Variants in ASIC2 observed in about 807,000 individuals in gnomAD.
ASIC2 encodes the protein acid sensing ion channel subunit 2.
Under a neutral mutation model 57.3 loss-of-function variants are expected in ASIC2, and 25 were observed. The observed-to-expected ratio is 0.44, with a 90% confidence interval of 0.32 to 0.61. The LOEUF is 0.61. Ranked by LOEUF, ASIC2 falls within the 20% of genes least tolerant of loss-of-function variation. The pLI is 0.06. For missense variants in ASIC2, 641 were observed against 738.1 expected (o/e 0.87, Z 1.52); for synonymous variants, 319 against 307.5 (o/e 1.04, Z -0.39).
At chr17:33,885,001 T>C (rs1166722933) in intron 1 of ASIC2, among the ~76,000 whole-genome samples, 1 of 152,130 alleles carries the variant, frequency 6.6e-6, no homozygotes, top group South Asian at 2.1e-4. Flanking sequence ...AGTGTTGCAG[T>C]CCCCAAATGA....
chr17:33,777,758 G>T (rs899626315), intron 1 of ASIC2, among the ~76,000 whole-genome samples: 3 of 152,220 alleles, frequency 2.0e-5, no homozygotes, highest in African/African-American at 7.2e-5. Flanking sequence ...AATGTCCTTT[G>T]TGATGTTATT....
chr17:33,513,233 C>T (rs1226709310), intron 1 of ASIC2, among the ~76,000 whole-genome samples: 1 of 152,162 alleles, frequency 6.6e-6, no homozygotes, highest in East Asian at 1.9e-4. Flanking sequence ...CATTAAATCA[C>T]TCTCCTGTGT....
intron 1 of ASIC2, among the ~76,000 whole-genome samples, chr17:33,350,939 A>G (rs1908146715): frequency 6.6e-6 from 1 of 152,130 alleles, no homozygotes; most frequent in South Asian, 2.1e-4. Flanking sequence ...TTTCTGTTCT[A>G]ACATTTTGGG....
At chr17:33,455,920 C>T (rs938873227) in intron 1 of ASIC2, among the ~76,000 whole-genome samples, 10 of 152,136 alleles carry the variant, frequency 6.6e-5, no homozygotes, top group African/African-American at 1.9e-4. Context: ...CTTTACAGGC[C>T]GTGTTGTCCA....
chr17:33,632,533 G>A (rs566365728), intron 1 of ASIC2, among the ~76,000 whole-genome samples: 1 of 152,100 alleles, frequency 6.6e-6, no homozygotes, highest in South Asian at 2.1e-4. Context: ...CATGAGCCCC[G>A]AGAACCTGGA....
intron 1 of ASIC2, among the ~76,000 whole-genome samples, chr17:33,379,976 A>G (rs1299004674): frequency 6.6e-6 from 1 of 152,184 alleles, no homozygotes; most frequent in East Asian, 1.9e-4. Context: ...CTGGGCACGG[A>G]GGCTCATGCC....
At chr17:33,113,739 C>G (rs372330108) in intron 1 of ASIC2, among the ~76,000 whole-genome samples, 2 of 152,226 alleles carry the variant, frequency 1.3e-5, no homozygotes, top group Non-Finnish European at 1.5e-5. Flanking sequence ...CAACTGTGAC[C>G]GTTGGCAGTT....
chr17:33,278,076 T>C (rs1387643804), intron 1 of ASIC2, among the ~76,000 whole-genome samples: 1 of 152,166 alleles, frequency 6.6e-6, no homozygotes, highest in Non-Finnish European at 1.5e-5. Context: ...TTCGGATCCC[T>C]GCATAGTTTC....
intron 1 of ASIC2, among the ~76,000 whole-genome samples, chr17:34,061,088 C>T (rs1238850778): frequency 2.0e-5 from 3 of 152,174 alleles, no homozygotes; most frequent in African/African-American, 4.8e-5. Context: ...ATCTTAAGAA[C>T]TGTGAGACAT....
At chr17:33,846,023 C>T (rs970841624) in intron 1 of ASIC2, among the ~76,000 whole-genome samples, 1 of 152,152 alleles carries the variant, frequency 6.6e-6, no homozygotes, top group African/African-American at 2.4e-5. Flanking sequence ...ACCACATAGT[C>T]GTTTTCTGAA....
At chr17:33,824,448 T>C (rs1912845560) in intron 1 of ASIC2, among the ~76,000 whole-genome samples, 1 of 151,846 alleles carries the variant, frequency 6.6e-6, no homozygotes, top group Non-Finnish European at 1.5e-5. Context: ...TATATACATA[T>C]ATATAATTTT....
chr17:33,577,401 G>A (rs1214007523), intron 1 of ASIC2, among the ~76,000 whole-genome samples: 1 of 152,182 alleles, frequency 6.6e-6, no homozygotes, highest in Non-Finnish European at 1.5e-5. Context: ...GAGGTGTAAA[G>A]GAAGAGGAGC....
intron 1 of ASIC2, among the ~76,000 whole-genome samples, chr17:33,272,490 G>T (rs933401286): frequency 6.6e-6 from 1 of 152,198 alleles, no homozygotes; most frequent in African/African-American, 2.4e-5. Flanking sequence ...GTTCTTTACT[G>T]AGCACCTATT....
chr17:33,500,660 A>T (rs1052200153), intron 1 of ASIC2, among the ~76,000 whole-genome samples: 3 of 152,194 alleles, frequency 2.0e-5, no homozygotes, highest in African/African-American at 7.2e-5. Flanking sequence ...TATGTTGAGG[A>T]TTTCCAGGGG....
At chr17:33,816,872 A>G (rs1243960182) in intron 1 of ASIC2, 1 of 152,228 alleles carries the variant, frequency 6.6e-6, no homozygotes, top group Non-Finnish European at 1.5e-5. Context: ...TTGAAGCCAA[A>G]TGAAGTTTGA....
chr17:33,855,783 T>A (rs1029346563), intron 1 of ASIC2, among the ~76,000 whole-genome samples: 3 of 152,162 alleles, frequency 2.0e-5, no homozygotes, highest in African/African-American at 7.2e-5. Flanking sequence ...AAGATTGGGA[T>A]GATCCCCACA....
At chr17:33,706,386 A>ATT (rs913219798) in intron 1 of ASIC2, among the ~76,000 whole-genome samples, 1 of 146,016 alleles carries the variant, frequency 6.8e-6, no homozygotes, top group African/African-American at 2.5e-5. Flanking sequence ...TGAATGGCTA[A>ATT]TTTTTTTTTT....
At chr17:33,417,133 A>T (rs534650430) in intron 1 of ASIC2, among the ~76,000 whole-genome samples, 1 of 152,184 alleles carries the variant, frequency 6.6e-6, no homozygotes, top group Non-Finnish European at 1.5e-5. Context: ...GGCCTCGAAC[A>T]CACACAGACT....
chr17:33,598,817 A>T (rs1905050129), intron 1 of ASIC2, among the ~76,000 whole-genome samples: 3 of 152,242 alleles, frequency 2.0e-5, no homozygotes, highest in Admixed American at 1.3e-4. Flanking sequence ...GGGGACAAGA[A>T]AGAATGAGAT....
Sources: allele counts gnomAD v4.1 joint callset (sites outside exome capture counted in the v4.1 genomes callset), GRCh38; gene constraint gnomAD v4.1.1; transcripts MANE v1.5; gene names NCBI Gene and HGNC (gene_info 2026-07-23, HGNC 2026-07-21).